XXYLT1: variants seen among roughly 807,000 people sequenced by gnomAD.
XXYLT1 encodes xyloside xylosyltransferase 1, also known as UDP-xylose:alpha-xyloside alpha-1,3-xylosyltransferase.
In XXYLT1, 20 loss-of-function variants were observed where a neutral mutation model predicts 28.9. The observed-to-expected ratio is 0.69, with a 90% CI of 0.49 to 1.00. The LOEUF is 1.00. Ranked by LOEUF, XXYLT1 falls within the 50% of genes least tolerant of loss-of-function variation. The pLI, the probability that XXYLT1 is intolerant of heterozygous loss-of-function variation, is 0.00. For missense variants in XXYLT1, 542 were observed against 560.1 expected, an observed-to-expected ratio of 0.97 and a Z score of 0.33; for synonymous variants, 257 against 253.8, an observed-to-expected ratio of 1.01 and a Z score of -0.12.
intron 3 of XXYLT1, chr3:195,122,204 C>A: frequency 1.4e-6 from 1 of 702,748 alleles, no homozygotes; most frequent in South Asian, 1.5e-5. Flanking sequence ...ATGACCTAAT[C>A]ACTCTCCAAA....
chr3:195,193,694 G>A (rs1722513026), intron 2 of XXYLT1, among the ~76,000 whole-genome samples: 2 of 152,146 alleles, frequency 1.3e-5, no homozygotes, highest in African/African-American at 2.4e-5. Flanking sequence ...AAGGCTTATA[G>A]ATCAATGCAA....
chr3:195,130,851 G>C (rs915569561), intron 3 of XXYLT1, among the ~76,000 whole-genome samples: 3 of 152,228 alleles, frequency 2.0e-5, no homozygotes, highest in African/African-American at 7.2e-5. Flanking sequence ...AGATCAGCTT[G>C]AGGCCAGATC....
At chr3:195,260,127 G>A (rs1317249210) in intron 1 of XXYLT1, 2 of 151,732 alleles carry the variant, frequency 1.3e-5, no homozygotes, top group South Asian at 2.1e-4. Flanking sequence ...AAAACACCCC[G>A]CGGGAGCCTC....
At chr3:195,162,220 C>T (rs1720908866) in intron 2 of XXYLT1, among the ~76,000 whole-genome samples, 1 of 152,188 alleles carries the variant, frequency 6.6e-6, no homozygotes, top group Non-Finnish European at 1.5e-5. Flanking sequence ...CAGCCTGGTG[C>T]CTGCTTTTCA....
Position 195,069,560 on chromosome 3 carries a change from A to G in XXYLT1, c.*155T>C. The G allele has an allele frequency of 8.6e-7, 1 of 1,160,620 alleles. No homozygotes were observed. 71.9% of individuals were successfully genotyped at this position (1,160,620 alleles called of 1,614,324 possible). On this transcript the variant is annotated 3_prime_UTR_variant, in exon 4 of 4. Coordinates refer to ENST00000310380, the MANE Select transcript of XXYLT1 (RefSeq NM_152531.5). The stretch of plus-strand genomic sequence containing the variant: ...CCAGTCCTTGGCGGGTGGCCTCAGC[A>G]CAGTGACCTGCCCGGCAGGAGGTCT...
Position 195,106,957 on chromosome 3 carries a change from G to A in XXYLT1, c.786-36846C>T, listed in dbSNP as rs1426845147. Reference sequence around the variant, plus strand: ...ACATCGGGCCAAGCATCCCACAGACGACAGATAAACGGCTCCCGGATGGTA... The same window carrying A: ...ACATCGGGCCAAGCATCCCACAGACAACAGATAAACGGCTCCCGGATGGTA... On this transcript the variant is annotated intron_variant, in intron 3 of 3. Coordinates refer to ENST00000310380, the MANE Select transcript of XXYLT1 (RefSeq NM_152531.5). 5.9e-5 allele frequency among the ~76,000 whole-genome samples: 9 copies of A among 152,282 alleles called. 1 individual carries two copies. In the South Asian group the frequency reaches 1.7e-3, roughly 28 times the overall value.
chr3:195,258,514 C>T (rs945576644), intron 1 of XXYLT1, among the ~76,000 whole-genome samples: 3 of 152,154 alleles, frequency 2.0e-5, no homozygotes, highest in Admixed American at 6.5e-5. Flanking sequence ...TTGGAACCTT[C>T]GAGAAACTAA....
intron 2 of XXYLT1, among the ~76,000 whole-genome samples, chr3:195,161,204 T>G (rs1202346157): frequency 1.3e-5 from 2 of 152,200 alleles, no homozygotes; most frequent in Non-Finnish European, 2.9e-5. Context: ...CAGTTTCAGA[T>G]GAGGAACCTG....
rs1290565407 is a variant in XXYLT1 at position 195,150,055 on chromosome 3, G to A, written c.785+6394C>T. On this transcript the variant is annotated intron_variant, in intron 3 of 3. Transcript: ENST00000310380. The surrounding 1 kb of genome is among the most constrained non-coding windows in gnomAD (Gnocchi z 4.7). ...TGCTAAGTTGTCAGCAGCCCCAACC[G>A]TACATATAAGGAAACTGAGGCTGAG... 6.6e-6 allele frequency among the ~76,000 whole-genome samples: 1 copy of A among 152,164 alleles called. No homozygotes were observed. The highest frequency in any genetic ancestry group is 1.5e-5 in the Non-Finnish European group (1 of 68,032).
At position 195,150,455 on chromosome 3, in the gene XXYLT1, C is replaced by G. The variant is rs1458852510; in HGVS notation, c.785+5994G>C. 1.3e-5 allele frequency among the ~76,000 whole-genome samples: 2 copies of G among 152,222 alleles called. No individual in the cohort carries two copies. Among genetic ancestry groups the G allele is most frequent in the Non-Finnish European group, 1.5e-5 (1 of 68,044 alleles). On this transcript the variant is annotated intron_variant, in intron 3 of 3. Transcript: ENST00000310380. The surrounding 1 kb of genome is among the most constrained non-coding windows in gnomAD (Gnocchi z 4.7). ...GCAGAGAAGCTTTCCTTCCGAGCGT[C>G]TGGAAGAACCCGAGGCTGGCACAGC... is the stretch of plus-strand genomic sequence containing the variant.
intron 2 of XXYLT1, among the ~76,000 whole-genome samples, chr3:195,175,162 T>C (rs1332533525): frequency 1.3e-5 from 2 of 152,240 alleles, no homozygotes; most frequent in Non-Finnish European, 2.9e-5. Context: ...GCCACAGTTG[T>C]TGAGCATCAA....
chr3:195,159,722 CTA>C (rs2108688199), intron 2 of XXYLT1, among the ~76,000 whole-genome samples: 1 of 152,334 alleles, frequency 6.6e-6, no homozygotes, highest in African/African-American at 2.4e-5. Context: ...CTGAGAACAC[CTA>C]TGTCTTCTGC....
Position 195,150,142 on chromosome 3 carries a change from G to A in XXYLT1, c.785+6307C>T, listed in dbSNP as rs183248424. ...TGGCCAAGCTGGGACTGTGGATAAC[G>A]CTGCCACCACCACCCAGGAGTGCTG... On this transcript the variant is annotated intron_variant, in intron 3 of 3. Coordinates refer to ENST00000310380, the MANE Select transcript of XXYLT1 (RefSeq NM_152531.5). The surrounding 1 kb of genome is among the most constrained non-coding windows in gnomAD (Gnocchi z 4.7). 1.8e-3 allele frequency among the ~76,000 whole-genome samples: 266 copies of A among 151,010 alleles called. 6 individuals carry two copies. The highest frequency in any genetic ancestry group is 3.1e-4 in the Non-Finnish European group (21 of 67,884).
intron 3 of XXYLT1, among the ~76,000 whole-genome samples, chr3:195,101,968 CGGGG>C (rs1716805980): frequency 1.4e-4 from 2 of 14,792 alleles, no homozygotes; most frequent in African/African-American, 5.5e-4. Flanking sequence ...GGGGAGGGGA[CGGGG>C]GAGGGAGGGA....
chr3:195,156,640 C>A, intron 2 of XXYLT1, 59 bp from the exon 3 acceptor site: 1 of 1,588,524 alleles, frequency 6.3e-7, no homozygotes, highest in Non-Finnish European at 8.6e-7. Flanking sequence ...GGCTCGGCCA[C>A]GGACAGAAAA....
chr3:195,073,555 G>A (rs1714948753), intron 3 of XXYLT1, among the ~76,000 whole-genome samples: 1 of 152,152 alleles, frequency 6.6e-6, no homozygotes, highest in Non-Finnish European at 1.5e-5. Context: ...CCTGTGGAGA[G>A]TCTTGTTCCT....
rs1472470443 is a variant in XXYLT1, at chr3:195,078,231, A to G, written c.786-8120T>C. 6.6e-6 allele frequency among the ~76,000 whole-genome samples: 1 copy of G among 152,052 alleles called. No homozygotes were observed. The highest frequency in any genetic ancestry group is 1.5e-5 in the Non-Finnish European group (1 of 68,010). The stretch of plus-strand genomic sequence containing the variant: ...GGCTGGAGGTACCGGCCATAAGCAG[A>G]GAGCACCAAGCAGGTGGTACGGAAT... On this transcript the variant is annotated intron_variant, in intron 3 of 3. Transcript: ENST00000310380. The surrounding 1 kb of genome is among the most constrained non-coding windows in gnomAD (Gnocchi z 5.0).
chr3:195,234,230 C>T (rs35899174), intron 1 of XXYLT1, among the ~76,000 whole-genome samples: 5,734 of 147,902 alleles, frequency 0.039, 154 homozygotes, highest in East Asian at 0.11. Context: ...ATTTCTTGTA[C>T]GATAGGTCTG....
intron 2 of XXYLT1, among the ~76,000 whole-genome samples, chr3:195,211,218 A>AC (rs1264625555): frequency 2.6e-5 from 4 of 151,848 alleles, no homozygotes; most frequent in South Asian, 2.1e-4. Flanking sequence ...ACATGGTGAA[A>AC]CCCCGTCTCT....
Sources: gnomAD v4.1 joint callset for allele counts (sites outside exome capture counted in the v4.1 genomes callset) on GRCh38, gnomAD v4.1.1 for gene constraint, Gnocchi (gnomAD v3.1) non-coding constraint, MANE v1.5 for transcripts, NCBI Gene and HGNC (gene_info 2026-07-23, HGNC 2026-07-21) for gene names.